RPN2: variants seen among roughly 807,000 people sequenced by gnomAD.
The protein encoded by RPN2 is dolichyl-diphosphooligosaccharide--protein glycosyltransferase subunit 2.
Under a neutral mutation model 71.4 loss-of-function variants are expected in RPN2, and 29 were observed. The ratio of observed to expected loss-of-function variants is 0.41; its 90% CI spans 0.30 to 0.55. The LOEUF (loss-of-function observed/expected upper bound fraction) is 0.55. Ranked by LOEUF, RPN2 falls within the 20% of genes least tolerant of loss-of-function variation. The pLI, the probability that RPN2 is intolerant of heterozygous loss-of-function variation, is 0.35. For missense variants in RPN2, 726 were observed against 774.1 expected (o/e 0.94, Z 0.74); for synonymous variants, 308 against 305.0 (o/e 1.01, Z -0.10).
intron 13 of RPN2, among the ~76,000 whole-genome samples, chr20:37,231,945 GTCAC>G (rs1484142900): frequency 6.6e-6 from 1 of 152,184 alleles, no homozygotes; most frequent in African/African-American, 2.4e-5. Context: ...CCTCAGTCCT[GTCAC>G]TCAAGCCATC....
intron 1 of RPN2, chr20:37,179,680 G>A: frequency 2.7e-6 from 1 of 375,328 alleles, no homozygotes; most frequent in Admixed American, 4.7e-5. Flanking sequence ...ACTCGCGCGG[G>A]CTTCTGGGCC....
At chr20:37,202,655 C>T (rs1182824567) in intron 4 of RPN2, among the ~76,000 whole-genome samples, 3 of 152,120 alleles carry the variant, frequency 2.0e-5, no homozygotes, top group Non-Finnish European at 2.9e-5. Context: ...ATACATCTAT[C>T]ATGTTCCATC....
At chr20:37,191,611 C>CA (rs1288601971) in intron 2 of RPN2, among the ~76,000 whole-genome samples, 1 of 148,420 alleles carries the variant, frequency 6.7e-6, no homozygotes, top group Non-Finnish European at 1.5e-5. Flanking sequence ...ACTAAAAATA[C>CA]AAAAAAATTA....
intron 2 of RPN2, among the ~76,000 whole-genome samples, chr20:37,197,074 G>T (rs548127843): frequency 1.3e-5 from 2 of 152,152 alleles, no homozygotes. Context: ...GGCAGGGTGG[G>T]TAGCAGGGTC....
chr20:37,226,050 AT>A (rs2068067607), intron 11 of RPN2, among the ~76,000 whole-genome samples: 1 of 152,012 alleles, frequency 6.6e-6, no homozygotes, highest in Non-Finnish European at 1.5e-5. Context: ...CTTAAGGCAG[AT>A]TTGCACTTAA....
intron 14 of RPN2, among the ~76,000 whole-genome samples, chr20:37,232,939 G>A (rs1443214567): frequency 2.0e-5 from 3 of 152,190 alleles, no homozygotes; most frequent in Admixed American, 6.5e-5. Context: ...AGGTGGCTGG[G>A]TGTGGTGGCT....
chr20:37,186,772 A>G (rs1356116441), intron 2 of RPN2, among the ~76,000 whole-genome samples: 6 of 152,216 alleles, frequency 3.9e-5, no homozygotes, highest in Non-Finnish European at 7.3e-5. Flanking sequence ...TTTCACCGAT[A>G]ATAGTTCCCA....
At chr20:37,216,202 G>C (rs2067799921) in intron 9 of RPN2, among the ~76,000 whole-genome samples, 1 of 152,060 alleles carries the variant, frequency 6.6e-6, no homozygotes, top group Non-Finnish European at 1.5e-5. Context: ...AGCCAGGCGT[G>C]GTGGCACGTG....
intron 1 of RPN2, 109 bp downstream of exon 1, chr20:37,179,478 C>T (rs2066783357): frequency 7.0e-7 from 1 of 1,424,758 alleles, no homozygotes; most frequent in Admixed American, 2.8e-5. Context: ...GGGACAGGGG[C>T]ATGGGCACAA....
At chr20:37,234,130 C>T in intron 15 of RPN2, 35 bp downstream of exon 15, 1 of 1,607,600 alleles carries the variant, frequency 6.2e-7, no homozygotes, top group Non-Finnish European at 8.5e-7. Context: ...CCTGTAACGT[C>T]CTCTGACATT....
At chr20:37,205,312 G>T (rs2067488878) in intron 6 of RPN2, among the ~76,000 whole-genome samples, 1 of 151,970 alleles carries the variant, frequency 6.6e-6, no homozygotes, top group South Asian at 2.1e-4. Flanking sequence ...CTCAGCAACG[G>T]CTAAATCTTA....
chr20:37,179,802 C>T (rs371709753), intron 1 of RPN2, among the ~76,000 whole-genome samples: 15 of 152,306 alleles, frequency 9.8e-5, no homozygotes, highest in African/African-American at 2.6e-4. Context: ...GCAAAGAAAA[C>T]CCTCACTTCT....
At chr20:37,200,333 G>A (rs1296695280) in intron 4 of RPN2, 6 of 373,386 alleles carry the variant, frequency 1.6e-5, no homozygotes, top group Non-Finnish European at 2.2e-5. Context: ...GGGCCTGTCT[G>A]TGTTGTCCAG....
intron 15 of RPN2, among the ~76,000 whole-genome samples, chr20:37,234,371 T>G (rs1020607857): frequency 7.2e-5 from 11 of 152,240 alleles, no homozygotes; most frequent in African/African-American, 2.7e-4. Context: ...TTTCCAGAGA[T>G]TACTCACTTA....
intron 9 of RPN2, among the ~76,000 whole-genome samples, chr20:37,220,422 A>C (rs763313310): frequency 6.6e-6 from 1 of 152,298 alleles, no homozygotes; most frequent in African/African-American, 2.4e-5. Flanking sequence ...TGTCAGGGGA[A>C]GCATCGGTTT....
rs2067480410 is a variant in RPN2, at chr20:37,205,002, G to T, written c.690+101G>T. 5.9e-6 allele frequency: 9 copies of T among 1,527,936 alleles called. No individual in the cohort carries two copies. The South Asian group carries it at 1.0e-4, about 18-fold the overall frequency. The allele number at this position is 1,527,936 out of a possible 1,614,324, so 94.6% of individuals were successfully genotyped here. Reference sequence around the variant, plus strand: ...GAGAGGAATGTTCAGACAGTACCTTGGGATGCTGTCACTCAGTGTCCTGGG... The same window carrying T: ...GAGAGGAATGTTCAGACAGTACCTTTGGATGCTGTCACTCAGTGTCCTGGG... On this transcript the variant is annotated intron_variant, in intron 6 of 16. Coordinates refer to ENST00000237530, the MANE Select transcript of RPN2 (RefSeq NM_002951.5).
rs950326392 is a variant in RPN2 at position 37,199,119 on chromosome 20, A to G, written c.373A>G (p.Ile125Val). 5 of 1,613,980 alleles carry G rather than the reference A, an allele frequency of 3.1e-6. No individual in the cohort carries two copies. Among genetic ancestry groups the G allele is most frequent in the Admixed American group, 1.7e-5 (1 of 60,004 alleles). The change falls in exon 4 of 17, where the codon ATC becomes GTC. Residue 125 changes from isoleucine to valine, a missense_variant. Transcript: ENST00000237530. ...CAGTGAGGACTCATCTGTTACCCAG[A>G]TCTACCATGCAGTTGCAGCTCTAAG... Reference protein sequence around the residue: ...AVSEDSSVTQIYHAVAALSGF... With the variant: ...AVSEDSSVTQVYHAVAALSGF...
At chr20:37,195,157 G>A (rs112245162) in intron 2 of RPN2, among the ~76,000 whole-genome samples, 3,247 of 152,176 alleles carry the variant, frequency 0.021, 51 homozygotes, top group Middle Eastern at 0.034. Context: ...AACGTTGGAG[G>A]GCAGCTGGAG....
At chr20:37,226,521 T>C (rs1450213731) in intron 11 of RPN2, among the ~76,000 whole-genome samples, 1 of 152,110 alleles carries the variant, frequency 6.6e-6, no homozygotes, top group Non-Finnish European at 1.5e-5. Context: ...CTCATTTGTG[T>C]GTATGTATGT....
Sources: allele counts gnomAD v4.1 joint callset (sites outside exome capture counted in the v4.1 genomes callset), GRCh38; gene constraint gnomAD v4.1.1; transcripts MANE v1.5; gene names NCBI Gene and HGNC (gene_info 2026-07-23, HGNC 2026-07-21).